Variants in CWF19L1 observed in about 807,000 individuals in gnomAD.
CWF19L1 encodes CWF19-like protein 1.
A neutral mutation model predicts 69.7 loss-of-function variants in CWF19L1; 60 were observed. That is an observed-to-expected ratio of 0.86 (90% CI 0.70 to 1.07). The LOEUF (loss-of-function observed/expected upper bound fraction) is 1.07. Among genes scored for constraint, CWF19L1 ranks in the 50% least tolerant of loss-of-function variants. The pLI is 0.00. For missense variants in CWF19L1, 591 were observed against 638.9 expected (o/e 0.92, Z 0.81); for synonymous variants, 209 against 222.2 (o/e 0.94, Z 0.53).
chr10:100,237,598 A>C (rs1464841681), intron 11 of CWF19L1, among the ~76,000 whole-genome samples: 2 of 152,050 alleles, frequency 1.3e-5, no homozygotes, highest in African/African-American at 4.8e-5. Flanking sequence ...AATGTTATTT[A>C]AATATTAATA....
rs200462686 is a variant in CWF19L1 at position 100,265,453 on chromosome 10, CATG to C, written c.23+2115_23+2117del. Among the ~76,000 whole-genome samples the C allele has an allele frequency of 5.3e-5, 8 of 150,884 alleles. No homozygotes were observed. The East Asian group carries it at 1.6e-3, about 29-fold the overall frequency. ...AACTTTCAGTTCTGCAAACTCCATT[CATG>C]ATAAGTGTCCTACACAGGTTGTGCC... On this transcript the variant is annotated intron_variant, in intron 1 of 13. Coordinates refer to ENST00000354105, the MANE Select transcript of CWF19L1 (RefSeq NM_018294.6).
At chr10:100,258,521 A>T (rs181326736) in intron 4 of CWF19L1, 2 of 152,226 alleles carry the variant, frequency 1.3e-5, no homozygotes, top group African/African-American at 2.4e-5. Context: ...GTTAAAATCT[A>T]CAACAGAATT....
rs550838320 is a variant in CWF19L1, at chr10:100,261,510, T to C, written c.109-466A>G. On this transcript the variant is annotated intron_variant, in intron 2 of 13. Transcript: ENST00000354105. ...CTGCCTGTTGTCTTTACCCAACCTTTAACCCAATGAACAAATTATCCTCAT... is the reference window on the plus strand; with the variant it reads ...CTGCCTGTTGTCTTTACCCAACCTTCAACCCAATGAACAAATTATCCTCAT... Among the ~76,000 whole-genome samples the C allele has an allele frequency of 9.2e-5, 14 of 152,362 alleles. No homozygotes were observed. The East Asian group carries it at 2.3e-3, about 25-fold the overall frequency.
At chr10:100,238,580 C>A (rs1282686244) in intron 10 of CWF19L1, among the ~76,000 whole-genome samples, 2 of 152,120 alleles carry the variant, frequency 1.3e-5, no homozygotes, top group Non-Finnish European at 2.9e-5. Flanking sequence ...AACTTGAAAA[C>A]AGTTTTTCAG....
At chr10:100,257,032 G>GA (rs1847235209) in intron 4 of CWF19L1, among the ~76,000 whole-genome samples, 1 of 152,144 alleles carries the variant, frequency 6.6e-6, no homozygotes, top group African/African-American at 2.4e-5. Flanking sequence ...AAGTGTTTAG[G>GA]AAAAATTTAA....
intron 12 of CWF19L1, among the ~76,000 whole-genome samples, chr10:100,236,281 A>G (rs187806892): frequency 5.8e-4 from 88 of 151,452 alleles, no homozygotes; most frequent in Non-Finnish European, 9.0e-4. Flanking sequence ...TTATTTTTTT[A>G]TTTTTTGTAG....
chr10:100,236,595 C>A (rs1722323236), intron 12 of CWF19L1, among the ~76,000 whole-genome samples: 1 of 152,080 alleles, frequency 6.6e-6, no homozygotes, highest in Admixed American at 6.5e-5. Context: ...TATGGTGAAA[C>A]CCCGTCTCGA....
Position 100,255,121 on chromosome 10 carries a change from C to T in CWF19L1, c.504+1141G>A, listed in dbSNP as rs534820470. On this transcript the variant is annotated intron_variant, in intron 5 of 13. Coordinates refer to ENST00000354105, the MANE Select transcript of CWF19L1 (RefSeq NM_018294.6). ...CAGTGTTTTCTGCCCTCACACATAA[C>T]CTTTTCAAAATCTTCCTTAGGCTTA... is the stretch of plus-strand genomic sequence containing the variant. Among the ~76,000 whole-genome samples the T allele has an allele frequency of 5.3e-5, 8 of 152,344 alleles. No individual in the cohort carries two copies. The South Asian group carries it at 1.7e-3, about 32-fold the overall frequency.
Position 100,235,837 on chromosome 10 carries a change from C to A in CWF19L1, c.1375-73G>T, listed in dbSNP as rs1846416936. The A allele has an allele frequency of 6.6e-6, 7 of 1,059,026 alleles. No individual in the cohort carries two copies. The East Asian group carries it at 1.4e-4, about 22-fold the overall frequency. 65.6% of individuals were successfully genotyped at this position (1,059,026 alleles called of 1,614,324 possible). A position where few individuals can be genotyped will look rare whatever the true frequency, so the allele number is the denominator to read the frequency against. On this transcript the variant is annotated intron_variant, in intron 12 of 13. Transcript: ENST00000354105. ...TCTATAATCTGAGTTCATCTCTAGG[C>A]AAATAATTCAGTCTAAATGCACAAG...
rs183686457 is a variant in CWF19L1, at chr10:100,259,663, G to A, written c.289+555C>T. Among the ~76,000 whole-genome samples, 416 of 152,214 alleles carry A rather than the reference G, an allele frequency of 2.7e-3. 2 individuals are homozygous for A. The highest frequency in any genetic ancestry group is 9.7e-3 in the African/African-American group (402 of 41,514). On this transcript the variant is annotated intron_variant, in intron 4 of 13. Coordinates refer to ENST00000354105, the MANE Select transcript of CWF19L1 (RefSeq NM_018294.6). ...CAAGTGTGTACCGGGTTGTGGGAAC[G>A]CAACGATATTGGGGCTAAGTGGTAG...
chr10:100,234,503 A>C (rs1846370653), intron 13 of CWF19L1, among the ~76,000 whole-genome samples: 1 of 152,222 alleles, frequency 6.6e-6, no homozygotes, highest in African/African-American at 2.4e-5. Context: ...CTGAGGCAAC[A>C]ACGAAAACAT....
intron 4 of CWF19L1, among the ~76,000 whole-genome samples, chr10:100,257,878 A>C (rs1847267109): frequency 6.6e-6 from 1 of 151,938 alleles, no homozygotes; most frequent in African/African-American, 2.4e-5. Context: ...TCCTCTTCTC[A>C]GCTCTATTTT....
chr10:100,241,386 T>C (rs2134283172), intron 10 of CWF19L1, among the ~76,000 whole-genome samples: 1 of 152,210 alleles, frequency 6.6e-6, no homozygotes, highest in Admixed American at 6.5e-5. Flanking sequence ...TGTAACTCCT[T>C]AAAGTGTAAG....
chr10:100,249,690 T>C (rs1259313376), intron 7 of CWF19L1, among the ~76,000 whole-genome samples: 1 of 152,120 alleles, frequency 6.6e-6, no homozygotes, highest in East Asian at 1.9e-4. Flanking sequence ...ATTCAAGCAA[T>C]TCTCCTGCCT....
intron 6 of CWF19L1, 75 bp from the exon 7 acceptor site, chr10:100,250,407 T>C: frequency 1.1e-6 from 1 of 874,070 alleles, no homozygotes. Context: ...ATGTGGACTC[T>C]ATGGGGCCAT....
At chr10:100,255,699 G>A (rs534476506) in intron 5 of CWF19L1, among the ~76,000 whole-genome samples, 3 of 150,356 alleles carry the variant, frequency 2.0e-5, no homozygotes, top group Admixed American at 6.7e-5. Flanking sequence ...GGAGGCAGAG[G>A]TTGTGGTGAG....
intron 9 of CWF19L1, 48 bp downstream of exon 9, chr10:100,245,751 A>G (rs558534999): frequency 4.1e-6 from 6 of 1,458,832 alleles, no homozygotes; most frequent in Non-Finnish European, 4.8e-6. Context: ...AAAAGCCAAA[A>G]TAACAGTTAC....
chr10:100,237,499 T>A (rs1846483603), intron 11 of CWF19L1, among the ~76,000 whole-genome samples: 1 of 152,184 alleles, frequency 6.6e-6, no homozygotes, highest in South Asian at 2.1e-4. Flanking sequence ...AGGAACTTAC[T>A]ATCTATGCTG....
intron 1 of CWF19L1, among the ~76,000 whole-genome samples, chr10:100,263,923 C>T (rs1847484886): frequency 6.6e-6 from 1 of 152,150 alleles, no homozygotes; most frequent in African/African-American, 2.4e-5. Context: ...TTTGATCATG[C>T]CAAAGCGTTC....
Sources: allele counts gnomAD v4.1 joint callset (sites outside exome capture counted in the v4.1 genomes callset), GRCh38; gene constraint gnomAD v4.1.1; transcripts MANE v1.5; gene names NCBI Gene and HGNC (gene_info 2026-07-23, HGNC 2026-07-21).